RHBDL2: variants seen among roughly 807,000 people sequenced by gnomAD.
The protein encoded by RHBDL2 is rhomboid like 2, also known as rhomboid-related protein 2.
Under a neutral mutation model 31.7 loss-of-function variants are expected in RHBDL2, and 26 were observed. The ratio of observed to expected loss-of-function variants is 0.82; its 90% CI spans 0.60 to 1.14. RHBDL2 has a LOEUF of 1.14. RHBDL2 is among the 50% of genes most tolerant of loss of function. RHBDL2 has a pLI of 0.00. For missense variants in RHBDL2, 336 were observed against 364.4 expected, an observed-to-expected ratio of 0.92 and a Z score of 0.63; for synonymous variants, 123 against 127.2, an observed-to-expected ratio of 0.97 and a Z score of 0.22.
chr1:38,919,257 G>A lies in RHBDL2; in HGVS notation c.-45C>T. Reference sequence around the variant, plus strand: ...TCCCCAGAAGGACATGAATCCCAGGGAACAGCAGGTGGCCCTAGGTCCTCA... The same window carrying A: ...TCCCCAGAAGGACATGAATCCCAGGAAACAGCAGGTGGCCCTAGGTCCTCA... On this transcript the variant is annotated 5_prime_UTR_variant, in exon 2 of 8. Coordinates refer to ENST00000372990, the MANE Select transcript of RHBDL2 (RefSeq NM_017821.5). 2 of 1,613,608 alleles carry A rather than the reference G, an allele frequency of 1.2e-6. No homozygotes were observed. Among genetic ancestry groups the A allele is most frequent in the African/African-American group, 1.3e-5 (1 of 75,004 alleles).
At chr1:38,935,714 G>A (rs1643492239) in intron 1 of RHBDL2, among the ~76,000 whole-genome samples, 1 of 152,090 alleles carries the variant, frequency 6.6e-6, no homozygotes, top group South Asian at 2.1e-4. Flanking sequence ...CCGGGTTCAA[G>A]CTATCCTTCC....
At chr1:38,924,308 C>A (rs557970605) in intron 1 of RHBDL2, among the ~76,000 whole-genome samples, 8 of 152,086 alleles carry the variant, frequency 5.3e-5, no homozygotes, top group Non-Finnish European at 8.8e-5. Context: ...TAAAAGGAAA[C>A]ACAGGGCTGG....
chr1:38,920,607 C>CTTT lies in RHBDL2; in HGVS notation c.-125-1273_-125-1271dup, dbSNP rs547790628. On this transcript the variant is annotated intron_variant, in intron 1 of 7. Transcript: ENST00000372990. ...GTGAACATCCCTGTACAAGTTTTCTCTTTTTTTTTTTTTTTTTGAGACAGA... is the reference window on the plus strand; with the variant it reads ...GTGAACATCCCTGTACAAGTTTTCTCTTTTTTTTTTTTTTTTTTTTGAGACAGA... Among the ~76,000 whole-genome samples, 608 of 129,052 alleles carry CTTT rather than the reference C, an allele frequency of 4.7e-3. 10 individuals carry two copies. The highest frequency in any genetic ancestry group is 0.016 in the African/African-American group (558 of 35,532). 84.7% of individuals were successfully genotyped at this position (129,052 alleles called of 152,430 possible).
At chr1:38,920,773 AT>A (rs370633950) in intron 1 of RHBDL2, among the ~76,000 whole-genome samples, 12,954 of 137,114 alleles carry the variant, frequency 0.094, 623 homozygotes, top group African/African-American at 0.13. Flanking sequence ...CACCTGGCTA[AT>A]TTTTTTTTTT....
At chr1:38,907,503 G>A (rs12094040) in intron 4 of RHBDL2, among the ~76,000 whole-genome samples, 3,075 of 152,168 alleles carry the variant, frequency 0.02, 98 homozygotes, top group African/African-American at 0.07. Context: ...TCGCGCCATC[G>A]CACTTCAGCC....
At chr1:38,889,646 A>G (rs1347739749) in intron 6 of RHBDL2, among the ~76,000 whole-genome samples, 1 of 152,174 alleles carries the variant, frequency 6.6e-6, no homozygotes, top group Non-Finnish European at 1.5e-5. Flanking sequence ...CATATTCTCC[A>G]ATAAAACTGT....
intron 1 of RHBDL2, chr1:38,929,648 G>T: frequency 2.5e-6 from 3 of 1,185,552 alleles, no homozygotes; most frequent in South Asian, 1.4e-5. Flanking sequence ...TGGGCAGCGG[G>T]CTGTGCTGGG....
intron 1 of RHBDL2, among the ~76,000 whole-genome samples, chr1:38,928,490 A>G (rs1643404213): frequency 6.6e-6 from 1 of 150,670 alleles, no homozygotes; most frequent in Non-Finnish European, 1.5e-5. Context: ...CTTGTTGCCC[A>G]GACTGGAGTG....
intron 4 of RHBDL2, among the ~76,000 whole-genome samples, chr1:38,897,868 C>T (rs1159863223): frequency 6.6e-6 from 1 of 152,180 alleles, no homozygotes; most frequent in Non-Finnish European, 1.5e-5. Context: ...CGGTGGCTCA[C>T]GCCTGTAATC....
At chr1:38,891,130 A>G (rs1427890336) in intron 6 of RHBDL2, among the ~76,000 whole-genome samples, 1 of 151,902 alleles carries the variant, frequency 6.6e-6, no homozygotes, top group East Asian at 1.9e-4. Context: ...TTAGCCAGGC[A>G]TGGTGGCATG....
chr1:38,928,903 A>C (rs1430678482), intron 1 of RHBDL2, among the ~76,000 whole-genome samples: 2 of 152,050 alleles, frequency 1.3e-5, no homozygotes, highest in South Asian at 2.1e-4. Context: ...TCTACAAAAA[A>C]AAATTAAAAA....
At chr1:38,886,778 C>G in intron 7 of RHBDL2, 95 bp from the exon 8 acceptor site, 1 of 1,031,338 alleles carries the variant, frequency 9.7e-7, no homozygotes. Context: ...AATACCGTCA[C>G]AGTTAAACAA....
rs1423167511 is a variant in RHBDL2 at position 38,923,045 on chromosome 1, G to A, written c.-125-3708C>T. On this transcript the variant is annotated intron_variant, in intron 1 of 7. Coordinates refer to ENST00000372990, the MANE Select transcript of RHBDL2 (RefSeq NM_017821.5). ...GCAGAGGTTTCAGTGAGCTGATATC[G>A]TGTCATTGCACTCAACCCTGGGCGA... 4.6e-5 allele frequency among the ~76,000 whole-genome samples: 7 copies of A among 151,722 alleles called. No individual in the cohort carries two copies. The East Asian group carries it at 9.7e-4, about 21-fold the overall frequency.
At chr1:38,936,882 A>G (rs1189155416) in intron 1 of RHBDL2, among the ~76,000 whole-genome samples, 21 of 145,426 alleles carry the variant, frequency 1.4e-4, no homozygotes, top group Admixed American at 1.4e-3. Context: ...CATCCACCCA[A>G]CTCGGCCTCC....
At chr1:38,889,132 C>T (rs1256213231) in intron 6 of RHBDL2, among the ~76,000 whole-genome samples, 5 of 152,152 alleles carry the variant, frequency 3.3e-5, no homozygotes, top group African/African-American at 9.7e-5. Context: ...TCAACTCTGT[C>T]GCCCAGGCTG....
chr1:38,941,399 G>A (rs946432687), intron 1 of RHBDL2, among the ~76,000 whole-genome samples: 6 of 152,070 alleles, frequency 3.9e-5, no homozygotes, highest in African/African-American at 1.2e-4. Context: ...GCAGGGAAGA[G>A]GAATGGAATT....
At chr1:38,936,501 GTTT>G (rs71278734) in intron 1 of RHBDL2, among the ~76,000 whole-genome samples, 1 of 125,722 alleles carries the variant, frequency 8.0e-6, no homozygotes. Flanking sequence ...TGCTTTTTGG[GTTT>G]TTTTTTTTTT....
At chr1:38,907,180 T>C (rs1261329705) in intron 4 of RHBDL2, among the ~76,000 whole-genome samples, 1 of 152,236 alleles carries the variant, frequency 6.6e-6, no homozygotes, top group Non-Finnish European at 1.5e-5. Flanking sequence ...CGAATTATTC[T>C]AGCATAATTG....
chr1:38,908,163 A>G (rs1294348840), intron 4 of RHBDL2, among the ~76,000 whole-genome samples: 2 of 114,774 alleles, frequency 1.7e-5, no homozygotes, highest in African/African-American at 4.8e-5. Flanking sequence ...CCAAATTTGA[A>G]AAAAAAAAAA....
Sources: gnomAD v4.1 joint callset for allele counts (sites outside exome capture counted in the v4.1 genomes callset) on GRCh38, gnomAD v4.1.1 for gene constraint, MANE v1.5 for transcripts, NCBI Gene and HGNC (gene_info 2026-07-23, HGNC 2026-07-21) for gene names.